Variants in SLC28A2 observed in about 807,000 individuals in gnomAD.
SLC28A2 encodes sodium/nucleoside cotransporter 2.
SLC28A2 carries 69 observed loss-of-function variants against 72.9 expected under a neutral mutation model. The ratio of observed to expected loss-of-function variants is 0.95; its 90% confidence interval spans 0.78 to 1.16. SLC28A2 has a LOEUF of 1.16. Ranked by LOEUF, SLC28A2 falls within the 50% of genes most tolerant of loss-of-function variation. SLC28A2 has a pLI of 0.00. For synonymous variants in SLC28A2, 296 were observed against 294.1 expected, an observed-to-expected ratio of 1.01 and a Z score of -0.07; for missense variants, 745 against 791.1, an observed-to-expected ratio of 0.94 and a Z score of 0.70.
intron 16 of SLC28A2, 39 bp downstream of exon 16, chr15:45,272,432 G>A (rs1432293669): frequency 6.8e-7 from 1 of 1,475,872 alleles, no homozygotes; most frequent in Admixed American, 1.7e-5. Flanking sequence ...TGCTGCATGA[G>A]GGTGATGGTT....
At chr15:45,258,486 T>C (rs1050028180) in intron 3 of SLC28A2, among the ~76,000 whole-genome samples, 3 of 152,204 alleles carry the variant, frequency 2.0e-5, no homozygotes, top group Admixed American at 2.0e-4. Context: ...TTATGTTTCC[T>C]TTCAGTCAGC....
At chr15:45,271,582 A>AAGGAAGGG (rs1316649782) in intron 15 of SLC28A2, among the ~76,000 whole-genome samples, 3 of 146,244 alleles carry the variant, frequency 2.1e-5, no homozygotes, top group Non-Finnish European at 4.5e-5. Flanking sequence ...GAAGAAAAGG[A>AAGGAAGGG]AGGAAGGAAG....
intron 17 of SLC28A2, among the ~76,000 whole-genome samples, chr15:45,273,760 C>A (rs1419166144): frequency 6.6e-6 from 1 of 152,022 alleles, no homozygotes; most frequent in Non-Finnish European, 1.5e-5. Flanking sequence ...CCAGTAGAAT[C>A]AATAGGATTG....
Position 45,264,764 on chromosome 15 carries a change from T to G in SLC28A2, c.698T>G (p.Val233Gly), listed in dbSNP as rs1316046137. The change falls in exon 7 of 18, where the codon GTC becomes GGC. Residue 233 changes from valine (V) to glycine (G), a missense_variant. Transcript: ENST00000347644. ...GTATTTCAGTGGCTGGGAGAGCAGG[T>G]CCAGGTATGAGAAATTAAATGCGAG... ...YTVFQWLGEQ[V>G]QIFLNYTVAG... 6.3e-7 allele frequency: 1 copy of G among 1,594,988 alleles called. No homozygotes were observed. The highest frequency in any genetic ancestry group is 8.6e-7 in the Non-Finnish European group (1 of 1,162,786).
chr15:45,277,218 ATTAT>A lies in SLC28A2; in HGVS notation c.*1711_*1714del, dbSNP rs1281476537. The A allele has an allele frequency of 1.3e-5, 2 of 149,356 alleles. No homozygotes were observed. The highest frequency in any genetic ancestry group is 3.0e-5 in the Non-Finnish European group (2 of 67,480). The allele number at this position is 149,356 out of a possible 1,614,324, so 9.3% of individuals were successfully genotyped here. A position where few individuals can be genotyped will look rare whatever the true frequency, so the allele number is the denominator to read the frequency against. Reference sequence around the variant, plus strand: ...ATTTTAGATATTTATTATATTTAATATTATTTATTATATTAATATTATAGCCTTA... The same window carrying A: ...ATTTTAGATATTTATTATATTTAATATTATTATATTAATATTATAGCCTTA... On this transcript the variant is annotated 3_prime_UTR_variant, in exon 18 of 18. Coordinates refer to ENST00000347644, the MANE Select transcript of SLC28A2 (RefSeq NM_004212.4).
intron 13 of SLC28A2, 47 bp downstream of exon 13, chr15:45,268,425 TA>T (rs1900417540): frequency 6.7e-7 from 1 of 1,503,324 alleles, no homozygotes; most frequent in Non-Finnish European, 9.1e-7. Context: ...TGTGGTTAGG[TA>T]GCCCTTCAAA....
chr15:45,264,012 A>C lies in SLC28A2; in HGVS notation c.578A>C (p.His193Pro). The C allele has an allele frequency of 6.2e-7, 1 of 1,611,068 alleles. No homozygotes were observed. The highest frequency in any genetic ancestry group is 8.5e-7 in the Non-Finnish European group (1 of 1,178,586). Residue 193 changes from histidine (H) to proline (P), a missense_variant, in exon 6 of 18, where the codon CAC (histidine) becomes CCC (proline). His to Pro is a moderately conservative substitution (Grantham distance 77, BLOSUM62 -2). Transcript: ENST00000347644. ...FILILFACSK[H>P]HSAVSWRTVF... ...CTTATCCTCTTTGCCTGCTCCAAAC[A>C]CCACAGCGCAGTGAGTTTTGGGTAT...
At chr15:45,265,441 T>G (rs1900301700) in intron 8 of SLC28A2, 142 bp from the exon 9 acceptor site, 1 of 683,404 alleles carries the variant, frequency 1.5e-6, no homozygotes, top group Non-Finnish European at 2.7e-6. Flanking sequence ...ACATTTTAAA[T>G]GTATCCCTAA....
intron 10 of SLC28A2, among the ~76,000 whole-genome samples, chr15:45,267,021 A>G (rs890845467): frequency 1.3e-5 from 2 of 152,190 alleles, no homozygotes; most frequent in Non-Finnish European, 2.9e-5. Context: ...TTGATCCATA[A>G]GCAGGGGGTT....
In SLC28A2 at chr15:45,268,249, CG is replaced by C. The variant is rs1444355729; in HGVS notation, c.1240del (p.Val414Ter). 1 of 1,610,404 alleles carries C rather than the reference CG, an allele frequency of 6.2e-7. No individual in the cohort carries two copies. Among genetic ancestry groups the C allele is most frequent in the Non-Finnish European group, 8.5e-7 (1 of 1,177,002 alleles). ...NVLEAASNGAVDAIGLATNVA... is the reference protein window; with the variant it reads ...NVLEAASNGAXDAIGLATNVA... ...TCCTGGAAGCTGCCAGCAACGGAGC[CG>C]TAGATGCCATAGGCCTTGCTACTAA... On this transcript the variant is annotated frameshift_variant, in exon 13 of 18. Coordinates refer to ENST00000347644, the MANE Select transcript of SLC28A2 (RefSeq NM_004212.4). LOFTEE classifies it high-confidence loss of function.
chr15:45,277,109 A>G lies in SLC28A2; in HGVS notation c.*1596A>G, dbSNP rs1054730022. ...CAATATTGCTACTAAAATTCCTATA[A>G]CCAAAGGTCAGCTCTCCCACAACGA... On this transcript the variant is annotated 3_prime_UTR_variant, in exon 18 of 18. Coordinates refer to ENST00000347644, the MANE Select transcript of SLC28A2 (RefSeq NM_004212.4). The G allele has an allele frequency of 2.3e-4, 35 of 152,128 alleles. No homozygotes were observed. Among genetic ancestry groups the G allele is most frequent in the African/African-American group, 8.4e-4 (35 of 41,522 alleles). 9.4% of individuals were successfully genotyped at this position (152,128 alleles called of 1,614,324 possible).
intron 13 of SLC28A2, among the ~76,000 whole-genome samples, chr15:45,268,604 TGTG>T (rs1387732514): frequency 2.0e-5 from 3 of 152,184 alleles, no homozygotes; most frequent in Non-Finnish European, 4.4e-5. Flanking sequence ...TGGAAGTCAG[TGTG>T]GTGACTCCTC....
At chr15:45,267,879 C>T (rs1403182922) in intron 12 of SLC28A2, 83 bp downstream of exon 12, 10 of 1,445,418 alleles carry the variant, frequency 6.9e-6, no homozygotes, top group Non-Finnish European at 7.8e-6. Flanking sequence ...TTCAAGTCTC[C>T]CTGAGGGGGA....
chr15:45,253,381 T>A, intron 2 of SLC28A2, 51 bp from the exon 3 acceptor site: 2 of 1,567,440 alleles, frequency 1.3e-6, no homozygotes, highest in Non-Finnish European at 1.8e-6. Flanking sequence ...TCAATCCCCA[T>A]CATCCCTGGC....
intron 3 of SLC28A2, chr15:45,255,359 A>C (rs1049386614): frequency 6.6e-6 from 1 of 152,138 alleles, no homozygotes; most frequent in African/African-American, 2.4e-5. Flanking sequence ...AGGGGTTGGC[A>C]AACTTTTCCT....
In SLC28A2 at chr15:45,272,336, G is replaced by A. The variant is rs768485951; in HGVS notation, c.1690G>A (p.Val564Met). The A allele has an allele frequency of 6.2e-7, 1 of 1,614,018 alleles. No individual in the cohort carries two copies. The highest frequency in any genetic ancestry group is 8.5e-7 in the Non-Finnish European group (1 of 1,180,026). ...CCGGAAGAGTGACTTGTCCAAGGTT[G>A]TGGTCAGGGCCCTCTTCACAGGGGC... ...PHRKSDLSKV[V>M]VRALFTGACV... Residue 564 changes from valine to methionine, a missense_variant, in exon 16 of 18, where the codon GTG becomes ATG. By Grantham distance (21) the Val-to-Met change is conservative. Transcript: ENST00000347644.
chr15:45,267,451 G>A lies in SLC28A2; in HGVS notation c.943-4G>A, dbSNP rs200689682. 485 of 1,613,956 alleles carry A rather than the reference G, an allele frequency of 3.0e-4. 2 individuals carry two copies. Among genetic ancestry groups the A allele is most frequent in the Non-Finnish European group, 4.0e-4 (474 of 1,179,954 alleles). ...GAATCTGACTGTTTTCTCCGTGTTT[G>A]TAGACAGAGGCACCTCTGCTCATCC... On this transcript the variant is annotated splice_region_variant and splice_polypyrimidine_tract_variant and intron_variant, in intron 10 of 17. Transcript: ENST00000347644.
chr15:45,253,398 C>T (rs763750808), intron 2 of SLC28A2, 34 bp from the exon 3 acceptor site: 30 of 1,588,862 alleles, frequency 1.9e-5, no homozygotes, highest in Non-Finnish European at 1.6e-5. Flanking sequence ...TGGCAGGGCT[C>T]CATGACTGAT....
intron 6 of SLC28A2, 83 bp from the exon 7 acceptor site, chr15:45,264,572 C>A: frequency 1.1e-6 from 1 of 914,282 alleles, no homozygotes; most frequent in South Asian, 1.4e-5. Context: ...TAGGTTGGTT[C>A]CACCCAGAGT....
Sources: allele counts gnomAD v4.1 joint callset (sites outside exome capture counted in the v4.1 genomes callset), GRCh38; gene constraint gnomAD v4.1.1; transcripts MANE v1.5; gene names NCBI Gene and HGNC (gene_info 2026-07-23, HGNC 2026-07-21).